GALC: variants seen among roughly 807,000 people sequenced by gnomAD.
GALC encodes galactosylceramidase.
GALC carries 77 observed loss-of-function variants against 91.8 expected under a neutral mutation model. That is an observed-to-expected ratio of 0.84 (90% confidence interval 0.70 to 1.01). GALC has a LOEUF of 1.01. Ranked by LOEUF, GALC falls within the 50% of genes least tolerant of loss-of-function variation. The pLI, the probability that GALC is intolerant of heterozygous loss-of-function variation, is 0.00. For missense variants in GALC, 882 were observed against 855.9 expected (o/e 1.03, Z -0.38); for synonymous variants, 357 against 306.7 (o/e 1.16, Z -1.71).
chr14:87,966,486 A>C lies in GALC; in HGVS notation c.909-857T>G, dbSNP rs149166887. Among the ~76,000 whole-genome samples, 655 of 150,974 alleles carry C rather than the reference A, an allele frequency of 4.3e-3. 7 individuals carry two copies. Among genetic ancestry groups the C allele is most frequent in the African/African-American group, 0.015 (612 of 41,510 alleles). ...CCCACAGAATTTTATTTTTCCTATC[A>C]AGTCCTCATCCAGTATAAAAAAAAG... On this transcript the variant is annotated intron_variant, in intron 8 of 16. Transcript: ENST00000261304.
chr14:87,938,225 T>G (rs1013659514), intron 16 of GALC, among the ~76,000 whole-genome samples: 1 of 152,068 alleles, frequency 6.6e-6, no homozygotes, highest in South Asian at 2.1e-4. Context: ...AAAGGAGCTA[T>G]GTGCTAGTGA....
At chr14:87,956,556 G>A (rs533485234) in intron 10 of GALC, among the ~76,000 whole-genome samples, 49 of 134,432 alleles carry the variant, frequency 3.6e-4, no homozygotes, top group Non-Finnish European at 5.4e-4. Context: ...ATATATACAC[G>A]CACCATATAT....
At chr14:87,981,546 A>T (rs1424030219) in intron 6 of GALC, 1 of 156,926 alleles carries the variant, frequency 6.4e-6, no homozygotes, top group Non-Finnish European at 1.4e-5. Flanking sequence ...ACATACAAGA[A>T]GACAAAAGGA....
intron 8 of GALC, among the ~76,000 whole-genome samples, chr14:87,966,822 T>C (rs1037263755): frequency 3.3e-5 from 5 of 152,178 alleles, no homozygotes; most frequent in Admixed American, 2.6e-4. Flanking sequence ...TTGTATACAA[T>C]TGAACATTTC....
At chr14:87,992,348 C>T in intron 1 of GALC, 1 of 1,535,702 alleles carries the variant, frequency 6.5e-7, no homozygotes, top group Non-Finnish European at 8.7e-7. Context: ...GAGGGAGTAC[C>T]CGGTAGTTTC....
At chr14:87,946,647 A>G (rs2139953731) in intron 13 of GALC, among the ~76,000 whole-genome samples, 1 of 152,066 alleles carries the variant, frequency 6.6e-6, no homozygotes, top group African/African-American at 2.4e-5. Flanking sequence ...TATCTAGGCC[A>G]TATCCCACAC....
intron 11 of GALC, 35 bp downstream of exon 11, chr14:87,950,624 T>C (rs1223494624): frequency 6.1e-6 from 8 of 1,311,552 alleles, no homozygotes; most frequent in Non-Finnish European, 8.8e-6. Flanking sequence ...AATTCTTAAA[T>C]CAAAACTAAA....
chr14:87,992,939 C>T (rs1887273865), intron 1 of GALC, 31 bp downstream of exon 1: 5 of 1,500,812 alleles, frequency 3.3e-6, no homozygotes, highest in East Asian at 2.7e-5. Context: ...CTCTTGCCGC[C>T]CCCCGCGTAT....
At chr14:87,991,830 A>G (rs1018458009) in intron 1 of GALC, among the ~76,000 whole-genome samples, 2 of 152,176 alleles carry the variant, frequency 1.3e-5, no homozygotes, top group African/African-American at 4.8e-5. Context: ...AAAGACTTCC[A>G]TTTTTCGGTA....
chr14:87,976,377 T>C lies in GALC; in HGVS notation c.733A>G (p.Lys245Glu). 1 of 1,614,060 alleles carries C rather than the reference T, an allele frequency of 6.2e-7. No homozygotes were observed. The highest frequency in any genetic ancestry group is 8.5e-7 in the Non-Finnish European group (1 of 1,179,992). Residue 245 changes from lysine (K) to glutamate (E), a missense_variant, in exon 7 of 17, where the codon AAG (lysine) becomes GAG (glutamate). Coordinates refer to ENST00000261304, the MANE Select transcript of GALC (RefSeq NM_000153.4). The part of the protein sequence containing the change: ...ASMLLDAELF[K>E]VVDVIGAHYP... Reference sequence around the variant, plus strand: ...CCTTACCCTATAACATCAACCACCTTGAAGAGTTCGGCATCAAGGAGCATG... The same window carrying C: ...CCTTACCCTATAACATCAACCACCTCGAAGAGTTCGGCATCAAGGAGCATG...
At chr14:87,943,948 T>C (rs541140839) in intron 14 of GALC, among the ~76,000 whole-genome samples, 19 of 152,130 alleles carry the variant, frequency 1.2e-4, no homozygotes, top group African/African-American at 4.6e-4. Context: ...TGCATCTTCC[T>C]GAGCAGGGGA....
At chr14:87,955,756 T>C (rs1231857408) in intron 10 of GALC, among the ~76,000 whole-genome samples, 1 of 152,108 alleles carries the variant, frequency 6.6e-6, no homozygotes, top group East Asian at 1.9e-4. Context: ...AAGAGCGTTC[T>C]GTGGTTAGTT....
rs909971020 is a variant in GALC at position 87,939,173 on chromosome 14, T to C, written c.1911+732A>G. On this transcript the variant is annotated intron_variant, in intron 16 of 16. Transcript: ENST00000261304. ...TGTGGTATAGTTAAATAATCTATGC[T>C]ACATCCAAACCAAATCTTCAATATA... Among the ~76,000 whole-genome samples the C allele has an allele frequency of 6.6e-5, 10 of 152,058 alleles. No individual in the cohort carries two copies. The East Asian group carries it at 1.9e-3, about 30-fold the overall frequency.
At chr14:87,967,840 T>C (rs1886118934) in intron 8 of GALC, among the ~76,000 whole-genome samples, 1 of 152,156 alleles carries the variant, frequency 6.6e-6, no homozygotes, top group Non-Finnish European at 1.5e-5. Context: ...GCAATATGTG[T>C]GTGCTTGACT....
At position 87,934,211 on chromosome 14, in the gene GALC, A is replaced by C; in HGVS notation, c.*521T>G. ...ATCATCTTAAAAAGGAAAATAAAAA[A>C]ATACTTTTTAGAGCATAAAGCATAA... On this transcript the variant is annotated 3_prime_UTR_variant, in exon 17 of 17. Transcript: ENST00000261304. 1 of 1,393,496 alleles carries C rather than the reference A, an allele frequency of 7.2e-7. No homozygotes were observed. The highest frequency in any genetic ancestry group is 9.3e-7 in the Non-Finnish European group (1 of 1,076,866). The allele number at this position is 1,393,496 out of a possible 1,614,324, so 86.3% of individuals were successfully genotyped here.
rs750823861 is a variant in GALC at position 87,993,141 on chromosome 14, A to C, written c.24T>G (p.Ala8=). The C allele has an allele frequency of 2.5e-6, 4 of 1,582,822 alleles. No individual in the cohort carries two copies. In the South Asian group the frequency reaches 4.6e-5, roughly 18 times the overall value. ...TAGCTTTCGCTCGGCGTTGCCAGGA[A>C]GCCGAGAGTAGCCACTCAGCCATTG... MAEWLLS[A]SWQRRAKAMT... Residue 8 remains alanine, a synonymous_variant, in exon 1 of 17, where the codon GCT becomes GCG. Coordinates refer to ENST00000261304, the MANE Select transcript of GALC (RefSeq NM_000153.4).
In GALC at chr14:87,954,061, C is replaced by T; in HGVS notation, c.1162-3313G>A. The T allele has an allele frequency of 5.0e-6, 8 of 1,609,764 alleles. No homozygotes were observed. The South Asian group carries it at 8.8e-5, about 18-fold the overall frequency. On this transcript the variant is annotated intron_variant, in intron 10 of 16. Coordinates refer to ENST00000261304, the MANE Select transcript of GALC (RefSeq NM_000153.4). ...TGGGTTGGCGAGACAGTACTACAAT[C>T]AACATTTAGCAGTCAGTTATTAAAT...
intron 1 of GALC, chr14:87,992,361 G>A (rs1887236586): frequency 6.5e-7 from 1 of 1,535,582 alleles, no homozygotes; most frequent in Non-Finnish European, 8.7e-7. Flanking sequence ...GTAGTTTCAG[G>A]CCGCTCGCTT....
intron 10 of GALC, chr14:87,953,955 A>G: frequency 1.9e-6 from 3 of 1,609,640 alleles, no homozygotes; most frequent in Non-Finnish European, 2.5e-6. Context: ...TTTTCTGTAG[A>G]GGACTGCAGC....
Sources: gnomAD v4.1 joint callset for allele counts (sites outside exome capture counted in the v4.1 genomes callset) on GRCh38, gnomAD v4.1.1 for gene constraint, MANE v1.5 for transcripts, NCBI Gene and HGNC (gene_info 2026-07-23, HGNC 2026-07-21) for gene names.